The following KAZN variants were observed in gnomAD, a reference collection of about 807,000 sequenced individuals.
KAZN encodes the protein kazrin.
Under a neutral mutation model 87.4 loss-of-function variants are expected in KAZN, and 40 were observed. That is an observed-to-expected ratio of 0.46 (90% CI 0.36 to 0.60). KAZN has a LOEUF of 0.60. KAZN is among the 20% of genes least tolerant of loss of function. KAZN has a pLI of 0.00. For synonymous variants in KAZN, 466 were observed against 458.3 expected (o/e 1.02, Z -0.22); for missense variants, 898 against 1,073.9 (o/e 0.84, Z 2.29).
At chr1:14,561,528 T>C (rs1436140957) in intron 2 of KAZN, among the ~76,000 whole-genome samples, 1 of 152,156 alleles carries the variant, frequency 6.6e-6, no homozygotes, top group Non-Finnish European at 1.5e-5. Flanking sequence ...TGCAGATCAG[T>C]GGCTGCAGGT....
At chr1:14,994,132 G>A (rs1667640864) in intron 2 of KAZN, among the ~76,000 whole-genome samples, 1 of 152,238 alleles carries the variant, frequency 6.6e-6, no homozygotes, top group South Asian at 2.1e-4. Flanking sequence ...CAGAAGGGGA[G>A]CCCCTGGCAG....
At chr1:14,738,017 G>A (rs937563207) in intron 1 of KAZN, among the ~76,000 whole-genome samples, 38 of 152,124 alleles carry the variant, frequency 2.5e-4, no homozygotes, top group African/African-American at 9.2e-4. Context: ...ACTCAAAGTG[G>A]GTACACCAGG....
At chr1:14,330,325 T>A in intron 2 of KAZN, among the ~76,000 whole-genome samples, 1 of 152,228 alleles carries the variant, frequency 6.6e-6, no homozygotes, top group East Asian at 1.9e-4. Context: ...ATCTCTTTCC[T>A]TTCTTCACAT....
chr1:14,407,117 C>T (rs1451807710), intron 2 of KAZN, among the ~76,000 whole-genome samples: 1 of 152,152 alleles, frequency 6.6e-6, no homozygotes, highest in African/African-American at 2.4e-5. Context: ...ACACTAGCAA[C>T]ATTTGTATTC....
intron 1 of KAZN, among the ~76,000 whole-genome samples, chr1:14,162,266 T>C (rs1470040346): frequency 1.3e-5 from 2 of 152,228 alleles, no homozygotes; most frequent in Non-Finnish European, 2.9e-5. Flanking sequence ...TCAGACCGAT[T>C]GATAGCATAT....
chr1:13,976,973 A>C (rs940374170), intron 1 of KAZN, among the ~76,000 whole-genome samples: 1 of 152,192 alleles, frequency 6.6e-6, no homozygotes, highest in African/African-American at 2.4e-5. Flanking sequence ...ATTTTTCTTC[A>C]TCTTAGTAGG....
intron 1 of KAZN, among the ~76,000 whole-genome samples, chr1:14,745,038 A>G (rs1644222146): frequency 6.6e-6 from 1 of 152,102 alleles, no homozygotes; most frequent in Admixed American, 6.5e-5. Context: ...TTCAAGTGGC[A>G]GGAGATGATA....
intron 1 of KAZN, among the ~76,000 whole-genome samples, chr1:14,133,378 AAAGAAAGAAAGAAAGAAAG>A (rs1385769590): frequency 1.3e-4 from 3 of 22,486 alleles, no homozygotes; most frequent in African/African-American, 5.2e-4. Context: ...AAAAAAAAAA[AAAGAAAGAAAGAAAGAAAG>A]AAAGAAAGAA....
Position 14,973,556 on chromosome 1 carries a change from A to C in KAZN, c.418+12681A>C, listed in dbSNP as rs911686544. On this transcript the variant is annotated intron_variant, in intron 2 of 14. Coordinates refer to ENST00000376030, the MANE Select transcript of KAZN (RefSeq NM_201628.3). ...TGATTTTTTTTTAGATAGGGTGGGC[A>C]TGTAAAAGAAAGTGGAGAGGAAGGG... 1.2e-4 allele frequency among the ~76,000 whole-genome samples: 18 copies of C among 152,244 alleles called. 3 individuals are homozygous for C. The South Asian group carries it at 3.7e-3, about 32-fold the overall frequency.
intron 1 of KAZN, among the ~76,000 whole-genome samples, chr1:14,016,908 C>T (rs1223158803): frequency 1.3e-5 from 2 of 152,128 alleles, no homozygotes; most frequent in Non-Finnish European, 2.9e-5. Flanking sequence ...TTTTTACTTT[C>T]CGGGTTAATT....
intron 2 of KAZN, among the ~76,000 whole-genome samples, chr1:14,537,089 G>C (rs1672547527): frequency 6.6e-6 from 1 of 152,192 alleles, no homozygotes. Context: ...GTAAATATTT[G>C]TTGAGTGAAC....
Position 14,950,015 on chromosome 1 carries a change from G to A in KAZN, c.227-10669G>A, listed in dbSNP as rs546027807. Among the ~76,000 whole-genome samples the A allele has an allele frequency of 1.6e-4, 24 of 152,094 alleles. No homozygotes were observed. The East Asian group carries it at 4.5e-3, about 28-fold the overall frequency. On this transcript the variant is annotated intron_variant, in intron 1 of 14. Transcript: ENST00000376030. ...GAAGACGGTTTCAACACCACCTAAC[G>A]GAAAAAACAGTTACTGTGCAATATG...
chr1:14,749,621 G>A lies in KAZN; in HGVS notation c.226+150398G>A, dbSNP rs903467268. Among the ~76,000 whole-genome samples, 6 of 152,316 alleles carry A rather than the reference G, an allele frequency of 3.9e-5. No individual in the cohort carries two copies. In the East Asian group the frequency reaches 1.2e-3, roughly 29 times the overall value. Reference sequence around the variant, plus strand: ...CAGGAGGAAGGCAGGCTACAGGGCAGAGGAGTATTCCCAGTAGGTTGGTTT... The same window carrying A: ...CAGGAGGAAGGCAGGCTACAGGGCAAAGGAGTATTCCCAGTAGGTTGGTTT... On this transcript the variant is annotated intron_variant, in intron 1 of 14. Transcript: ENST00000376030.
At chr1:14,057,139 TG>T (rs1297778268) in intron 1 of KAZN, among the ~76,000 whole-genome samples, 3 of 151,402 alleles carry the variant, frequency 2.0e-5, no homozygotes, top group African/African-American at 7.3e-5. Context: ...TTTGTTTGTT[TG>T]TTTTTTTTTT....
chr1:14,533,153 T>A (rs7540634), intron 2 of KAZN, among the ~76,000 whole-genome samples: 1 of 152,148 alleles, frequency 6.6e-6, no homozygotes, highest in Non-Finnish European at 1.5e-5. Flanking sequence ...GAGCTTTCCC[T>A]GTTTTTATAC....
intron 2 of KAZN, among the ~76,000 whole-genome samples, chr1:14,569,611 C>T (rs1178969246): frequency 7.9e-5 from 12 of 151,454 alleles, no homozygotes; most frequent in Admixed American, 7.2e-4. Flanking sequence ...CATGAGCCAC[C>T]GCGCCCAGCC....
At position 14,820,923 on chromosome 1, in the gene KAZN, G is replaced by C. The variant is rs1262842642; in HGVS notation, c.227-139761G>C. 6.6e-6 allele frequency among the ~76,000 whole-genome samples: 1 copy of C among 152,178 alleles called. No individual in the cohort carries two copies. The highest frequency in any genetic ancestry group is 2.4e-5 in the African/African-American group (1 of 41,434). On this transcript the variant is annotated intron_variant, in intron 1 of 14. Coordinates refer to ENST00000376030, the MANE Select transcript of KAZN (RefSeq NM_201628.3). The surrounding 1 kb of genome is among the most constrained non-coding windows in gnomAD (Gnocchi z 4.1). The stretch of plus-strand genomic sequence containing the variant: ...GAATAAGGGCTCAGACGACATGACG[G>C]CACCGGGGATGGCAAGGGCTGGACG...
intron 1 of KAZN, among the ~76,000 whole-genome samples, chr1:14,772,868 T>C (rs1374284218): frequency 2.0e-5 from 3 of 152,096 alleles, no homozygotes; most frequent in African/African-American, 7.2e-5. Context: ...CTGAGAATTT[T>C]CCCCCAGAAT....
intron 2 of KAZN, among the ~76,000 whole-genome samples, chr1:14,394,905 T>C (rs1267581512): frequency 6.6e-6 from 1 of 152,232 alleles, no homozygotes; most frequent in East Asian, 1.9e-4. Flanking sequence ...GGATATGACC[T>C]AGCTTTGCAG....
Sources: gnomAD v4.1 joint callset for allele counts (sites outside exome capture counted in the v4.1 genomes callset) on GRCh38, gnomAD v4.1.1 for gene constraint, Gnocchi (gnomAD v3.1) non-coding constraint, MANE v1.5 for transcripts, NCBI Gene and HGNC (gene_info 2026-07-23, HGNC 2026-07-21) for gene names.